TAGLN2: variants seen among roughly 807,000 people sequenced by gnomAD.
TAGLN2 encodes the protein transgelin 2.
A neutral mutation model predicts 24.9 loss-of-function variants in TAGLN2; 14 were observed. The ratio of observed to expected loss-of-function variants is 0.56; its 90% CI spans 0.37 to 0.88. The LOEUF (loss-of-function observed/expected upper bound fraction) is 0.88. Ranked by LOEUF, TAGLN2 falls within the 40% of genes least tolerant of loss-of-function variation. The pLI is 0.00. For synonymous variants in TAGLN2, 77 were observed against 98.2 expected (o/e 0.78, Z 1.28); for missense variants, 208 against 258.9 (o/e 0.80, Z 1.35).
At chr1:159,922,543 T>G (rs1022552077) in intron 1 of TAGLN2, among the ~76,000 whole-genome samples, 3 of 152,072 alleles carry the variant, frequency 2.0e-5, no homozygotes, top group African/African-American at 7.2e-5. Flanking sequence ...CTCTAACCTC[T>G]GATGCACAGG....
chr1:159,921,620 T>C (rs970710504), intron 1 of TAGLN2, among the ~76,000 whole-genome samples: 2 of 152,194 alleles, frequency 1.3e-5, no homozygotes, highest in Admixed American at 6.5e-5. Flanking sequence ...ACAGCAGAAA[T>C]AGGAAACTAA....
intron 1 of TAGLN2, chr1:159,923,621 G>A: frequency 1.4e-6 from 1 of 739,890 alleles, no homozygotes; most frequent in Non-Finnish European, 2.1e-6. Context: ...AGCACAGTGA[G>A]GGCACCAGCC....
Position 159,918,932 on chromosome 1 carries a change from C to A in TAGLN2, c.468G>T (p.Lys156Asn). 1 of 1,614,152 alleles carries A rather than the reference C, an allele frequency of 6.2e-7. No individual in the cohort carries two copies. The highest frequency in any genetic ancestry group is 8.5e-7 in the Non-Finnish European group (1 of 1,180,004). Reference sequence around the variant, plus strand: ...TATCCGAGAAGTTCCGAGGATTCTCCTTGGATTTCCTGGGTGACAAGGGAG... The same window carrying A: ...TATCCGAGAAGTTCCGAGGATTCTCATTGGATTTCCTGGGTGACAAGGGAG... Reference protein sequence around the residue: ...GDPNWFPKKSKENPRNFSDNQ... With the variant: ...GDPNWFPKKSNENPRNFSDNQ... Residue 156 changes from lysine (K) to asparagine (N), a missense_variant, in exon 5 of 5, where the codon AAG becomes AAT. By Grantham distance (94) the Lys-to-Asn change is moderately conservative. Coordinates refer to ENST00000368097, the MANE Select transcript of TAGLN2 (RefSeq NM_003564.3).
chr1:159,923,389 C>T (rs994646856), intron 1 of TAGLN2: 29 of 1,543,080 alleles, frequency 1.9e-5, no homozygotes, highest in Non-Finnish European at 2.5e-5. Flanking sequence ...CGGGGAGGGG[C>T]CACGCAAGGC....
Position 159,918,787 on chromosome 1 carries a change from G to C in TAGLN2, c.*13C>G. The stretch of plus-strand genomic sequence containing the variant: ...CCATTCGTGGGAGGGCAGGGGCAAG[G>C]CCTGGGGTGGGATCAGAGGATCTGG... On this transcript the variant is annotated 3_prime_UTR_variant, in exon 5 of 5. Coordinates refer to ENST00000368097, the MANE Select transcript of TAGLN2 (RefSeq NM_003564.3). 6.2e-7 allele frequency: 1 copy of C among 1,613,576 alleles called. No individual in the cohort carries two copies.
At chr1:159,919,944 G>T in intron 2 of TAGLN2, 109 bp from the exon 3 acceptor site, 1 of 1,254,936 alleles carries the variant, frequency 8.0e-7, no homozygotes, top group Non-Finnish European at 1.1e-6. Context: ...CTCCTGTCTT[G>T]CCTGAAGACA....
intron 4 of TAGLN2, 152 bp downstream of exon 4, chr1:159,919,122 A>G: frequency 1.6e-6 from 2 of 1,253,244 alleles, no homozygotes; most frequent in South Asian, 1.4e-5. Context: ...TTGCCATCCC[A>G]GAGGGTGTTG....
At chr1:159,921,260 T>C (rs1650522955) in intron 1 of TAGLN2, among the ~76,000 whole-genome samples, 1 of 152,212 alleles carries the variant, frequency 6.6e-6, no homozygotes, top group Admixed American at 6.5e-5. Context: ...GTAGATGTGA[T>C]TAAGATCTCG....
At chr1:159,919,868 A>G in intron 2 of TAGLN2, 33 bp from the exon 3 acceptor site, 1 of 1,606,680 alleles carries the variant, frequency 6.2e-7, no homozygotes. Flanking sequence ...GAAAGGTGAG[A>G]ATATGCCTAC....
intron 2 of TAGLN2, 56 bp downstream of exon 2, chr1:159,920,274 A>C (rs1016637976): frequency 1.9e-6 from 3 of 1,613,588 alleles, no homozygotes; most frequent in Admixed American, 3.3e-5. Context: ...TCCCCAGTCC[A>C]CTGGACCCAG....
At chr1:159,923,505 T>C (rs983427099) in intron 1 of TAGLN2, 4 of 1,541,618 alleles carry the variant, frequency 2.6e-6, no homozygotes, top group Non-Finnish European at 3.5e-6. Flanking sequence ...GGTTCTTGGC[T>C]AGGGTGTTTA....
intron 2 of TAGLN2, 104 bp from the exon 3 acceptor site, chr1:159,919,939 G>A: frequency 7.5e-7 from 1 of 1,336,594 alleles, no homozygotes; most frequent in Non-Finnish European, 1.0e-6. Flanking sequence ...AGAGGCTCCT[G>A]TCTTGCCTGA....
chr1:159,920,181 T>C (rs1650482894), intron 2 of TAGLN2, 149 bp downstream of exon 2: 1 of 1,307,800 alleles, frequency 7.6e-7, no homozygotes, highest in Non-Finnish European at 1.1e-6. Context: ...ATGGGCCCTC[T>C]CACATCCTTG....
intron 2 of TAGLN2, 167 bp downstream of exon 2, chr1:159,920,163 A>T: frequency 8.9e-7 from 1 of 1,126,582 alleles, no homozygotes; most frequent in Non-Finnish European, 1.3e-6. Context: ...ACGGGAAGGG[A>T]GGAAAGCATG....
rs548166958 is a variant in TAGLN2, at chr1:159,921,395, G to A, written c.-28-858C>T. Among the ~76,000 whole-genome samples, 495 of 152,278 alleles carry A rather than the reference G, an allele frequency of 3.3e-3. 1 individual carries two copies. Among genetic ancestry groups the A allele is most frequent in the Admixed American group, 7.3e-3 (112 of 15,306 alleles). On this transcript the variant is annotated intron_variant, in intron 1 of 4. Coordinates refer to ENST00000368097, the MANE Select transcript of TAGLN2 (RefSeq NM_003564.3). ...TAACAACAACAACAACAAAATGGAA[G>A]TAGAAGTCAGAGTCACACAGGGCCA...
Position 159,925,493 on chromosome 1 carries a change from G to A in TAGLN2, c.-72C>T, listed in dbSNP as rs183631169. ...AGCGGCGCACTGACTCAAGGCAAGG[G>A]CTGCAGCTGCAAGTGGTGCGCCCTG... On this transcript the variant is annotated 5_prime_UTR_variant, in exon 1 of 5. Coordinates refer to ENST00000368097, the MANE Select transcript of TAGLN2 (RefSeq NM_003564.3). The A allele has an allele frequency of 1.3e-5, 2 of 152,410 alleles. No individual in the cohort carries two copies. The highest frequency in any genetic ancestry group is 1.5e-5 in the Non-Finnish European group (1 of 68,086). 9.4% of individuals were successfully genotyped at this position (152,410 alleles called of 1,614,324 possible).
At position 159,918,910 on chromosome 1, in the gene TAGLN2, C is replaced by A; in HGVS notation, c.490G>T (p.Asp164Tyr). Reference sequence around the variant, plus strand: ...TTCTTGCCCTCTTGCAGCTGGTTATCCGAGAAGTTCCGAGGATTCTCCTTG... The same window carrying A: ...TTCTTGCCCTCTTGCAGCTGGTTATACGAGAAGTTCCGAGGATTCTCCTTG... ...KSKENPRNFSDNQLQEGKNVI... is the reference protein window; with the variant it reads ...KSKENPRNFSYNQLQEGKNVI... The change falls in exon 5 of 5, where the codon GAT (aspartate) becomes TAT (tyrosine). Residue 164 changes from aspartate (D) to tyrosine (Y), a missense_variant. Physicochemically the swap from Asp to Tyr is radical, Grantham distance 160. Coordinates refer to ENST00000368097, the MANE Select transcript of TAGLN2 (RefSeq NM_003564.3). 1 of 1,614,242 alleles carries A rather than the reference C, an allele frequency of 6.2e-7. No homozygotes were observed. The highest frequency in any genetic ancestry group is 8.5e-7 in the Non-Finnish European group (1 of 1,180,034).
intron 1 of TAGLN2, among the ~76,000 whole-genome samples, chr1:159,924,843 C>T (rs1021705593): frequency 3.3e-5 from 5 of 152,212 alleles, no homozygotes; most frequent in Admixed American, 6.5e-5. Flanking sequence ...AGCACCCAGA[C>T]CCCCGAGGTC....
chr1:159,923,343 C>A, intron 1 of TAGLN2: 1 of 1,426,668 alleles, frequency 7.0e-7, no homozygotes, highest in South Asian at 1.3e-5. Context: ...TGAGAACAAC[C>A]CTCACCCTCA....
Sources: gnomAD v4.1 joint callset for allele counts (sites outside exome capture counted in the v4.1 genomes callset) on GRCh38, gnomAD v4.1.1 for gene constraint, MANE v1.5 for transcripts, NCBI Gene and HGNC (gene_info 2026-07-23, HGNC 2026-07-21) for gene names.